The following DCC variants were observed in gnomAD, a reference collection of about 807,000 sequenced individuals.
The protein encoded by DCC is netrin receptor DCC.
A neutral mutation model predicts 172.5 loss-of-function variants in DCC; 58 were observed. The observed-to-expected ratio is 0.34, with a 90% CI of 0.27 to 0.42. The LOEUF (loss-of-function observed/expected upper bound fraction) is 0.42. Among genes scored for constraint, DCC ranks in the 10% least tolerant of loss-of-function variants. The pLI is 1.00. For missense variants in DCC, 1,740 were observed against 1,791.0 expected (o/e 0.97, Z 0.51); for synonymous variants, 709 against 644.5 (o/e 1.10, Z -1.52).
At chr18:52,824,931 C>A (rs1160524902) in intron 2 of DCC, among the ~76,000 whole-genome samples, 1 of 151,824 alleles carries the variant, frequency 6.6e-6, no homozygotes, top group Non-Finnish European at 1.5e-5. Flanking sequence ...GATAGCACCA[C>A]TGCACCCTAG....
intron 1 of DCC, among the ~76,000 whole-genome samples, chr18:52,417,145 TG>T (rs1287112097): frequency 6.6e-6 from 1 of 152,120 alleles, no homozygotes. Flanking sequence ...TTAGTTTGGC[TG>T]GATATGAAAT....
intron 1 of DCC, among the ~76,000 whole-genome samples, chr18:52,609,473 C>T (rs1352450623): frequency 6.6e-6 from 1 of 151,944 alleles, no homozygotes; most frequent in Non-Finnish European, 1.5e-5. Context: ...TAAGGCTTGG[C>T]TGTAATGTTG....
intron 2 of DCC, among the ~76,000 whole-genome samples, chr18:52,847,779 G>A (rs2038918155): frequency 6.6e-6 from 1 of 152,318 alleles, no homozygotes; most frequent in Non-Finnish European, 1.5e-5. Flanking sequence ...CCACTGGCTA[G>A]TGTGAAGCAA....
intron 1 of DCC, among the ~76,000 whole-genome samples, chr18:52,656,464 G>A (rs780372532): frequency 2.6e-5 from 4 of 152,090 alleles, no homozygotes; most frequent in Non-Finnish European, 4.4e-5. Context: ...TTGTTTATAA[G>A]CCACTCAGTC....
intron 5 of DCC, among the ~76,000 whole-genome samples, chr18:52,988,100 A>T (rs866863919): frequency 1.9e-4 from 29 of 152,236 alleles, no homozygotes; most frequent in African/African-American, 7.0e-4. Flanking sequence ...TCATTCCAAA[A>T]ATAAATAATC....
intron 5 of DCC, among the ~76,000 whole-genome samples, chr18:52,991,702 G>A (rs2145623187): frequency 6.6e-6 from 1 of 152,236 alleles, no homozygotes; most frequent in Non-Finnish European, 1.5e-5. Context: ...CATATCTAAA[G>A]TGCACTAGTT....
At chr18:52,628,413 TG>T (rs1311723660) in intron 1 of DCC, among the ~76,000 whole-genome samples, 4 of 152,240 alleles carry the variant, frequency 2.6e-5, no homozygotes, top group Non-Finnish European at 4.4e-5. Flanking sequence ...ATTGCTTTCC[TG>T]GGTATATTCT....
intron 8 of DCC, among the ~76,000 whole-genome samples, chr18:53,172,251 A>G (rs891421120): frequency 1.3e-5 from 2 of 152,160 alleles, no homozygotes; most frequent in Admixed American, 6.5e-5. Context: ...GTTCTCACTT[A>G]TAAGTAAGAG....
intron 7 of DCC, among the ~76,000 whole-genome samples, chr18:53,108,237 C>A (rs2043279316): frequency 6.6e-6 from 1 of 151,684 alleles, no homozygotes; most frequent in African/African-American, 2.4e-5. Context: ...TCCTTTGAGT[C>A]AAGAAACAGA....
At chr18:53,283,728 G>T (rs2056900074) in intron 12 of DCC, among the ~76,000 whole-genome samples, 1 of 152,164 alleles carries the variant, frequency 6.6e-6, no homozygotes, top group South Asian at 2.1e-4. Flanking sequence ...GTAAGAACAT[G>T]TATATATTTC....
chr18:52,834,625 A>G (rs2116380), intron 2 of DCC, among the ~76,000 whole-genome samples: 66,675 of 152,046 alleles, frequency 0.44, 14,817 homozygotes, highest in South Asian at 0.55. Flanking sequence ...ACACCAAAAT[A>G]TTTGTAAAAA....
chr18:52,972,639 AG>A (rs2041048566), intron 5 of DCC, among the ~76,000 whole-genome samples: 1 of 152,208 alleles, frequency 6.6e-6, no homozygotes, highest in East Asian at 1.9e-4. Context: ...CTGGGCCAAA[AG>A]CAATGCAAAA....
At chr18:53,228,897 T>C (rs2056080547) in intron 12 of DCC, among the ~76,000 whole-genome samples, 1 of 152,216 alleles carries the variant, frequency 6.6e-6, no homozygotes, top group South Asian at 2.1e-4. Flanking sequence ...ACATTTCTTC[T>C]ATACTTAACT....
At chr18:53,086,014 T>TTATTATTATTATTATTATTATTA (rs1325738360) in intron 7 of DCC, among the ~76,000 whole-genome samples, 2 of 18,688 alleles carry the variant, frequency 1.1e-4, no homozygotes, top group Non-Finnish European at 2.1e-4. Flanking sequence ...CTCCTTCTCC[T>TTATTATTATTATTATTATTATTA]TCTCCCTCTC....
At chr18:53,166,678 A>T (rs2054927431) in intron 8 of DCC, among the ~76,000 whole-genome samples, 1 of 152,308 alleles carries the variant, frequency 6.6e-6, no homozygotes, top group East Asian at 1.9e-4. Context: ...GCACATTTTT[A>T]AAAAGCTCAT....
At chr18:53,143,055 G>GT (rs2043854107) in intron 7 of DCC, among the ~76,000 whole-genome samples, 1 of 152,104 alleles carries the variant, frequency 6.6e-6, no homozygotes. Flanking sequence ...TCAAGGATAC[G>GT]TGACAGCCAC....
intron 1 of DCC, among the ~76,000 whole-genome samples, chr18:52,398,614 T>C (rs1369652121): frequency 1.3e-5 from 2 of 151,920 alleles, no homozygotes; most frequent in African/African-American, 4.8e-5. Flanking sequence ...ACATATATGG[T>C]CTTATATCTA....
At chr18:52,592,284 A>C (rs932193357) in intron 1 of DCC, among the ~76,000 whole-genome samples, 1 of 152,204 alleles carries the variant, frequency 6.6e-6, no homozygotes, top group South Asian at 2.1e-4. Flanking sequence ...AACTTTTTGC[A>C]GAGGAAAGAA....
chr18:53,452,972 G>A (rs572054248), intron 23 of DCC, among the ~76,000 whole-genome samples: 2 of 152,160 alleles, frequency 1.3e-5, no homozygotes, highest in African/African-American at 4.8e-5. Flanking sequence ...CTGGAGTGCA[G>A]TGGTGCAATC....
Sources: gnomAD v4.1 joint callset for allele counts (sites outside exome capture counted in the v4.1 genomes callset) on GRCh38, gnomAD v4.1.1 for gene constraint, MANE v1.5 for transcripts, NCBI Gene and HGNC (gene_info 2026-07-23, HGNC 2026-07-21) for gene names.